Variants in PPFIA3 observed in about 807,000 individuals in gnomAD.
PPFIA3 encodes liprin-alpha-3.
Under a neutral mutation model 145.8 loss-of-function variants are expected in PPFIA3, and 26 were observed. That is an observed-to-expected ratio of 0.18 (90% CI 0.13 to 0.25). The LOEUF is 0.25. Ranked by LOEUF, PPFIA3 falls within the 10% of genes least tolerant of loss-of-function variation. The pLI, the probability that PPFIA3 is intolerant of heterozygous loss-of-function variation, is 1.00. For synonymous variants in PPFIA3, 645 were observed against 661.4 expected, an observed-to-expected ratio of 0.98 and a Z score of 0.38; for missense variants, 1,008 against 1,587.8, an observed-to-expected ratio of 0.63 and a Z score of 6.21.
chr19:49,132,650 T>C (rs1230351223), intron 7 of PPFIA3, among the ~76,000 whole-genome samples: 1 of 152,136 alleles, frequency 6.6e-6, no homozygotes, highest in Non-Finnish European at 1.5e-5. Flanking sequence ...GGACACTTGC[T>C]GTTTGATTCT....
At chr19:49,132,110 A>G (rs2041080659) in intron 7 of PPFIA3, among the ~76,000 whole-genome samples, 1 of 149,786 alleles carries the variant, frequency 6.7e-6, no homozygotes, top group African/African-American at 2.5e-5. Context: ...CTCCAGCCAG[A>G]GTGCTGGTTG....
intron 21 of PPFIA3, among the ~76,000 whole-genome samples, chr19:49,144,036 T>A (rs1180414216): frequency 6.6e-6 from 1 of 151,734 alleles, no homozygotes; most frequent in African/African-American, 2.4e-5. Flanking sequence ...ATGGGAGTCT[T>A]GCTTTGTCGC....
intron 14 of PPFIA3, 27 bp from the exon 15 acceptor site, chr19:49,136,697 T>C: frequency 1.5e-6 from 2 of 1,372,946 alleles, no homozygotes; most frequent in Non-Finnish European, 1.9e-6. Flanking sequence ...AGCCACCTAA[T>C]GTCCCTCTGT....
intron 4 of PPFIA3, 101 bp downstream of exon 4, chr19:49,129,113 C>T: frequency 7.7e-7 from 1 of 1,299,418 alleles, no homozygotes; most frequent in Non-Finnish European, 1.0e-6. Flanking sequence ...TGGGGATGTT[C>T]TGAGTTGGAA....
intron 17 of PPFIA3, 42 bp downstream of exon 17, chr19:49,139,873 G>C (rs931702508): frequency 6.2e-7 from 1 of 1,610,846 alleles, no homozygotes; most frequent in East Asian, 2.2e-5. Flanking sequence ...AAGCTGGCTT[G>C]GGAAGATGAG....
rs1387562578 is a variant in PPFIA3 at position 49,128,789 on chromosome 19, C to G, written c.343-59C>G. ...GTCCGCCCTACCTGTCACCCTTTTT[C>G]TCACATCTGCCCCTTTTCCCTTGCC... is the stretch of plus-strand genomic sequence containing the variant. On this transcript the variant is annotated intron_variant, in intron 3 of 29. Coordinates refer to ENST00000334186, the MANE Select transcript of PPFIA3 (RefSeq NM_003660.4). This position sits in a 1 kb window ranked among gnomAD's most constrained non-coding sequence, Gnocchi z 4.1. 1 of 1,472,128 alleles carries G rather than the reference C, an allele frequency of 6.8e-7. No individual in the cohort carries two copies. The highest frequency in any genetic ancestry group is 2.3e-5 in the East Asian group (1 of 43,842). The allele number at this position is 1,472,128 out of a possible 1,614,324, so 91.2% of individuals were successfully genotyped here.
chr19:49,146,508 G>A (rs2041282403), intron 23 of PPFIA3: 1 of 462,066 alleles, frequency 2.2e-6, no homozygotes, highest in East Asian at 3.9e-5. Flanking sequence ...TCCCTATAGT[G>A]GAGGGGGCGG....
At chr19:49,144,543 A>T (rs1367575953) in intron 21 of PPFIA3, among the ~76,000 whole-genome samples, 1 of 151,928 alleles carries the variant, frequency 6.6e-6, no homozygotes, top group South Asian at 2.1e-4. Context: ...GCAAAACCCC[A>T]TCTCTACTAA....
chr19:49,148,885 A>T, intron 25 of PPFIA3, 108 bp from the exon 26 acceptor site: 1 of 1,563,932 alleles, frequency 6.4e-7, no homozygotes. Context: ...GGGTGGAGCC[A>T]GCGTGGGGGG....
chr19:49,132,934 A>G, intron 7 of PPFIA3, 67 bp from the exon 8 acceptor site: 1 of 1,555,506 alleles, frequency 6.4e-7, no homozygotes, highest in Non-Finnish European at 8.7e-7. Context: ...TTCCCAGGGA[A>G]CAAGGGGGTT....
intron 19 of PPFIA3, 44 bp from the exon 20 acceptor site, chr19:49,141,990 C>T: frequency 1.3e-6 from 2 of 1,500,022 alleles, no homozygotes; most frequent in Non-Finnish European, 1.8e-6. Context: ...AGCAGGGGGT[C>T]TCCATCCCTG....
chr19:49,139,323 C>CAAA (rs1223957489), intron 16 of PPFIA3, among the ~76,000 whole-genome samples: 1,217 of 111,930 alleles, frequency 0.011, 6 homozygotes, highest in Non-Finnish European at 0.016. Context: ...GACTCTGTCT[C>CAAA]AAAAAAAAAA....
In PPFIA3 at chr19:49,129,409, G is replaced by A; in HGVS notation, c.537G>A (p.Glu179=). ...KVRERLRMAL[E]RVAVLEEELE... ...GGGAGCGGCTGCGGATGGCGCTGGA[G>A]CGCGTGGCAGTGCTCGAGGAGGAGC... Residue 179 remains glutamate (E), a synonymous_variant, in exon 5 of 30, where the codon GAG becomes GAA. Coordinates refer to ENST00000334186, the MANE Select transcript of PPFIA3 (RefSeq NM_003660.4). The A allele has an allele frequency of 6.4e-7, 1 of 1,551,662 alleles. No individual in the cohort carries two copies. The highest frequency in any genetic ancestry group is 8.7e-7 in the Non-Finnish European group (1 of 1,147,870).
In PPFIA3 at chr19:49,139,759, G is replaced by A. The variant is rs765944803; in HGVS notation, c.2168G>A (p.Arg723His). Residue 723 changes from arginine (R) to histidine (H), a missense_variant, in exon 17 of 30, where the codon CGT becomes CAT. By Grantham distance (29) the Arg-to-His change is conservative (BLOSUM62 0). This residue lies in a region of PPFIA3 where 202 missense variants were observed against 241.8 expected (regional missense o/e 0.84). Transcript: ENST00000334186. Reference sequence around the variant, plus strand: ...CCACCACCCACTCCCCGCTCTGCCCGTCTTGAGAGAATGACCCAGGCCTTG... The same window carrying A: ...CCACCACCCACTCCCCGCTCTGCCCATCTTGAGAGAATGACCCAGGCCTTG... ...DTPPPTPRSA[R>H]LERMTQALAL... 78 of 1,614,002 alleles carry A rather than the reference G, an allele frequency of 4.8e-5. No homozygotes were observed. In the South Asian group the frequency reaches 5.5e-4, roughly 11 times the overall value.
At chr19:49,145,013 C>T (rs2122639787) in intron 21 of PPFIA3, among the ~76,000 whole-genome samples, 1 of 151,418 alleles carries the variant, frequency 6.6e-6, no homozygotes, top group Non-Finnish European at 1.5e-5. Flanking sequence ...TCACTGCAAC[C>T]TCCGTCTCCC....
intron 15 of PPFIA3, among the ~76,000 whole-genome samples, chr19:49,137,628 CAAAAAAAAAAAAAAAA>C (rs3032695): frequency 2.1e-4 from 9 of 43,774 alleles, no homozygotes; most frequent in African/African-American, 7.0e-4. Flanking sequence ...GACTCCGTGT[CAAAAAAAAAAAAAAAA>C]AAAAAAAAAA....
At chr19:49,143,086 C>G in intron 21 of PPFIA3, 82 bp downstream of exon 21, 1 of 1,441,924 alleles carries the variant, frequency 6.9e-7, no homozygotes. Context: ...CCTGGGCCTG[C>G]TCACTCCCCT....
intron 15 of PPFIA3, 63 bp from the exon 16 acceptor site, chr19:49,138,142 C>A: frequency 6.8e-7 from 1 of 1,473,400 alleles, no homozygotes. Flanking sequence ...ATTGTGCTCC[C>A]AGATTCCCTC....
chr19:49,150,356 C>T lies in PPFIA3; in HGVS notation c.*134C>T, dbSNP rs1464032908. The T allele has an allele frequency of 9.3e-6, 5 of 536,786 alleles. No individual in the cohort carries two copies. Among genetic ancestry groups the T allele is most frequent in the African/African-American group, 3.9e-5 (2 of 51,618 alleles). 33.3% of individuals were successfully genotyped at this position (536,786 alleles called of 1,614,324 possible). Reference sequence around the variant, plus strand: ...CGCGCCGAGGACTGGACCATCTGTACAGACCAGCGGGAGTGCGCGCGCCCG... The same window carrying T: ...CGCGCCGAGGACTGGACCATCTGTATAGACCAGCGGGAGTGCGCGCGCCCG... On this transcript the variant is annotated 3_prime_UTR_variant, in exon 30 of 30. Transcript: ENST00000334186.
Sources: allele counts gnomAD v4.1 joint callset (sites outside exome capture counted in the v4.1 genomes callset), GRCh38; gene constraint gnomAD v4.1.1; regional missense constraint gnomAD v4.1.1; non-coding constraint Gnocchi (gnomAD v3.1); transcripts MANE v1.5; gene names NCBI Gene and HGNC (gene_info 2026-07-23, HGNC 2026-07-21).